Variants in ANO6 observed in about 807,000 individuals in gnomAD.
ANO6 encodes the protein anoctamin 6, also known as anoctamin-6.
Under a neutral mutation model 117.5 loss-of-function variants are expected in ANO6, and 106 were observed. That is an observed-to-expected ratio of 0.90 (90% confidence interval 0.77 to 1.06). ANO6 has a LOEUF of 1.06. ANO6 is among the 50% of genes least tolerant of loss of function. The pLI is 0.00. For synonymous variants in ANO6, 367 were observed against 385.1 expected (o/e 0.95, Z 0.55); for missense variants, 955 against 1,121.1 (o/e 0.85, Z 2.12).
At chr12:45,241,174 C>T (rs1947737141) in intron 1 of ANO6, among the ~76,000 whole-genome samples, 1 of 152,210 alleles carries the variant, frequency 6.6e-6, no homozygotes, top group South Asian at 2.1e-4. Flanking sequence ...CTCCCTGTCA[C>T]TTTCAGGTAC....
At chr12:45,328,994 C>G (rs1289358979) in intron 2 of ANO6, among the ~76,000 whole-genome samples, 2 of 152,144 alleles carry the variant, frequency 1.3e-5, no homozygotes, top group Non-Finnish European at 2.9e-5. Flanking sequence ...CTGGAATACT[C>G]TCCAATCTCA....
chr12:45,295,968 C>G (rs1391393365), intron 1 of ANO6, among the ~76,000 whole-genome samples: 1 of 152,044 alleles, frequency 6.6e-6, no homozygotes, highest in African/African-American at 2.4e-5. Flanking sequence ...TCAAGTGATT[C>G]TTGTGCCTCA....
intron 1 of ANO6, among the ~76,000 whole-genome samples, chr12:45,220,954 G>C (rs2137118422): frequency 6.6e-6 from 1 of 152,220 alleles, no homozygotes; most frequent in Admixed American, 6.5e-5. Context: ...CGCTGCCCTG[G>C]CAAATTAATG....
chr12:45,226,334 C>T (rs1250534085), intron 1 of ANO6, among the ~76,000 whole-genome samples: 1 of 151,870 alleles, frequency 6.6e-6, no homozygotes, highest in African/African-American at 2.4e-5. Context: ...TTTGTGAAGT[C>T]CAAATGTTGC....
At chr12:45,353,940 A>G (rs1367851694) in intron 7 of ANO6, among the ~76,000 whole-genome samples, 1 of 152,220 alleles carries the variant, frequency 6.6e-6, no homozygotes, top group East Asian at 1.9e-4. Context: ...TATGCAGAGC[A>G]TAGAGCAAAA....
intron 8 of ANO6, among the ~76,000 whole-genome samples, chr12:45,361,103 T>C (rs983725395): frequency 2.0e-5 from 3 of 152,210 alleles, no homozygotes; most frequent in African/African-American, 7.2e-5. Context: ...TTGATAAGAA[T>C]AATGTTGATT....
intron 6 of ANO6, 73 bp from the exon 7 acceptor site, chr12:45,350,586 G>C: frequency 8.6e-7 from 1 of 1,161,702 alleles, no homozygotes. Context: ...TCAAGTATTT[G>C]TATCACATTT....
At chr12:45,295,549 T>C (rs948165590) in intron 1 of ANO6, among the ~76,000 whole-genome samples, 1 of 152,030 alleles carries the variant, frequency 6.6e-6, no homozygotes, top group African/African-American at 2.4e-5. Context: ...CTCTTTTTTA[T>C]TTGTTTATTT....
At chr12:45,298,270 G>A (rs1002169985) in intron 1 of ANO6, among the ~76,000 whole-genome samples, 2 of 152,186 alleles carry the variant, frequency 1.3e-5, no homozygotes, top group Non-Finnish European at 2.9e-5. Context: ...CTGAGGCATA[G>A]TGACAGGACT....
intron 1 of ANO6, among the ~76,000 whole-genome samples, chr12:45,283,532 T>C (rs1272232679): frequency 1.3e-5 from 2 of 152,238 alleles, no homozygotes; most frequent in Non-Finnish European, 2.9e-5. Flanking sequence ...CAAACATTTA[T>C]TGGTTGAAGG....
intron 2 of ANO6, among the ~76,000 whole-genome samples, chr12:45,327,135 T>C (rs1413904849): frequency 6.6e-6 from 1 of 152,128 alleles, no homozygotes; most frequent in Non-Finnish European, 1.5e-5. Flanking sequence ...AATAAGATTG[T>C]TCAAATAAGT....
At chr12:45,339,704 A>G (rs1940925218) in intron 3 of ANO6, among the ~76,000 whole-genome samples, 1 of 152,130 alleles carries the variant, frequency 6.6e-6, no homozygotes, top group Admixed American at 6.6e-5. Flanking sequence ...TAAATAATGT[A>G]TTCTGCTTAC....
At chr12:45,398,061 C>T (rs749701398) in intron 12 of ANO6, among the ~76,000 whole-genome samples, 64 of 151,910 alleles carry the variant, frequency 4.2e-4, no homozygotes, top group Admixed American at 9.8e-4. Context: ...CAATAGAAAA[C>T]GTTTCAGAGG....
At chr12:45,222,247 G>A (rs903296352) in intron 1 of ANO6, among the ~76,000 whole-genome samples, 4 of 151,868 alleles carry the variant, frequency 2.6e-5, no homozygotes, top group East Asian at 1.9e-4. Context: ...TGCAACCTCC[G>A]CCTCCCGGGT....
chr12:45,276,315 A>G (rs1425729894), intron 1 of ANO6, among the ~76,000 whole-genome samples: 2 of 152,176 alleles, frequency 1.3e-5, no homozygotes, highest in Non-Finnish European at 2.9e-5. Context: ...CTCCTGCCAC[A>G]GAAGTATGCT....
intron 1 of ANO6, among the ~76,000 whole-genome samples, chr12:45,260,884 C>G (rs971129581): frequency 6.6e-6 from 1 of 152,056 alleles, no homozygotes; most frequent in Non-Finnish European, 1.5e-5. Flanking sequence ...AACTGTTGGG[C>G]TCAAGCAATC....
At chr12:45,232,905 G>A (rs143249169) in intron 1 of ANO6, among the ~76,000 whole-genome samples, 9 of 152,276 alleles carry the variant, frequency 5.9e-5, no homozygotes, top group East Asian at 1.9e-4. Context: ...AGCTTGGACC[G>A]CAGCAATTCT....
intron 1 of ANO6, among the ~76,000 whole-genome samples, chr12:45,237,109 T>C (rs1359027239): frequency 6.6e-6 from 1 of 152,212 alleles, no homozygotes; most frequent in Non-Finnish European, 1.5e-5. Context: ...GAATTCTTTG[T>C]AGATTCTGGA....
At chr12:45,261,921 T>A (rs757671198) in intron 1 of ANO6, among the ~76,000 whole-genome samples, 10 of 152,214 alleles carry the variant, frequency 6.6e-5, no homozygotes, top group Non-Finnish European at 1.2e-4. Context: ...TGGCATGTTT[T>A]ATGGACTATA....
Sources: allele counts gnomAD v4.1 joint callset (sites outside exome capture counted in the v4.1 genomes callset), GRCh38; gene constraint gnomAD v4.1.1; transcripts MANE v1.5; gene names NCBI Gene and HGNC (gene_info 2026-07-23, HGNC 2026-07-21).